CLCN3: variants seen among roughly 807,000 people sequenced by gnomAD.
CLCN3 encodes Cl-/H+ antiporter 3.
In CLCN3, 16 loss-of-function variants were observed where a neutral mutation model predicts 83.4. The observed-to-expected ratio is 0.19, with a 90% CI of 0.13 to 0.29. The LOEUF (loss-of-function observed/expected upper bound fraction) is 0.29. CLCN3 is among the 10% of genes least tolerant of loss of function. The pLI, the probability that CLCN3 is intolerant of heterozygous loss-of-function variation, is 1.00. For synonymous variants in CLCN3, 322 were observed against 346.2 expected (o/e 0.93, Z 0.78); for missense variants, 544 against 1,006.0 (o/e 0.54, Z 6.21).
chr4:169,629,572 T>C (rs971762580), intron 1 of CLCN3, among the ~76,000 whole-genome samples: 1 of 152,158 alleles, frequency 6.6e-6, no homozygotes, highest in Non-Finnish European at 1.5e-5. Context: ...GGTTTCACCA[T>C]GTTGGCCATG....
rs139039568 is a variant in CLCN3, at chr4:169,698,239, C to A, written c.1563+505C>A. Among the ~76,000 whole-genome samples, 86 of 152,272 alleles carry A rather than the reference C, an allele frequency of 5.6e-4. 4 individuals are homozygous for A. In the East Asian group the frequency reaches 0.012, roughly 21 times the overall value. On this transcript the variant is annotated intron_variant, in intron 9 of 12. Transcript: ENST00000513761. Reference sequence around the variant, plus strand: ...AAGCATTTATCCCTTGTGTTACAAACAATCCAATTACACTCTTAATTATTT... The same window carrying A: ...AAGCATTTATCCCTTGTGTTACAAAAAATCCAATTACACTCTTAATTATTT...
chr4:169,641,580 A>C lies in CLCN3; in HGVS notation c.160+5492A>C, dbSNP rs145564913. On this transcript the variant is annotated intron_variant, in intron 2 of 12. Transcript: ENST00000513761. ...AATATCTATTGTTAGATTGAGCTTT[A>C]TTCAAAATATTTGTAAGTTTATTCA... 2.9e-3 allele frequency among the ~76,000 whole-genome samples: 447 copies of C among 152,320 alleles called. 2 individuals carry two copies. The highest frequency in any genetic ancestry group is 0.01 in the African/African-American group (420 of 41,590).
chr4:169,627,867 G>A (rs1323183493), intron 1 of CLCN3, among the ~76,000 whole-genome samples: 2 of 152,046 alleles, frequency 1.3e-5, no homozygotes, highest in African/African-American at 4.8e-5. Context: ...AGAAGAATAA[G>A]GTGTGAAAGA....
intron 12 of CLCN3, among the ~76,000 whole-genome samples, chr4:169,715,254 G>T (rs1016399707): frequency 6.6e-6 from 1 of 152,052 alleles, no homozygotes; most frequent in African/African-American, 2.4e-5. Flanking sequence ...TAAAAATAAC[G>T]AAGTGTATAG....
At chr4:169,631,298 G>A (rs556786186) in intron 1 of CLCN3, among the ~76,000 whole-genome samples, 1 of 152,014 alleles carries the variant, frequency 6.6e-6, no homozygotes, top group Non-Finnish European at 1.5e-5. Flanking sequence ...TTGTTTGTTT[G>A]TTGGAGACGG....
intron 2 of CLCN3, among the ~76,000 whole-genome samples, chr4:169,658,449 G>A (rs998649321): frequency 6.6e-6 from 1 of 151,970 alleles, no homozygotes; most frequent in South Asian, 2.1e-4. Flanking sequence ...GGGAAAACTT[G>A]TGGATAGATT....
At chr4:169,660,229 C>T (rs1731005414) in intron 2 of CLCN3, 1 of 1,210,448 alleles carries the variant, frequency 8.3e-7, no homozygotes, top group Non-Finnish European at 1.0e-6. Context: ...GTTGCTTCAG[C>T]GAGTCGAACT....
At chr4:169,706,296 A>C (rs550116561) in intron 10 of CLCN3, among the ~76,000 whole-genome samples, 1 of 152,218 alleles carries the variant, frequency 6.6e-6, no homozygotes, top group South Asian at 2.1e-4. Flanking sequence ...TGGCCTCCCA[A>C]AGTGATTACA....
At chr4:169,660,541 T>C (rs1731019544) in intron 2 of CLCN3, 1 of 832,198 alleles carries the variant, frequency 1.2e-6, no homozygotes. Context: ...GTTTGTCCTT[T>C]AAATACTGCA....
At chr4:169,681,810 G>A (rs1365966217) in intron 3 of CLCN3, among the ~76,000 whole-genome samples, 2 of 152,164 alleles carry the variant, frequency 1.3e-5, no homozygotes, top group African/African-American at 4.8e-5. Flanking sequence ...GTGAGAGAAT[G>A]ACATTGTGCT....
Position 169,636,083 on chromosome 4 carries a change from C to T in CLCN3, c.155C>T (p.Ala52Val). 6.2e-7 allele frequency: 1 copy of T among 1,610,942 alleles called. No homozygotes were observed. The highest frequency in any genetic ancestry group is 8.5e-7 in the Non-Finnish European group (1 of 1,178,434). Reference sequence around the variant, plus strand: ...GACAATTTATTAGATGGTGACACTGCAGTTGGTAAGTTCAGCATGACAGCC... The same window carrying T: ...GACAATTTATTAGATGGTGACACTGTAGTTGGTAAGTTCAGCATGACAGCC... ...EDDNLLDGDT[A>V]VGTHYTMTNG... The change falls in exon 2 of 13, where the codon GCA becomes GTA. Residue 52 changes from alanine to valine, a missense_variant. This residue lies in a region of CLCN3 where 77 missense variants were observed against 92.8 expected (regional missense o/e 0.83). Transcript: ENST00000513761.
intron 2 of CLCN3, among the ~76,000 whole-genome samples, chr4:169,649,500 T>G (rs114047000): frequency 1.3e-5 from 2 of 152,252 alleles, no homozygotes; most frequent in African/African-American, 4.8e-5. Context: ...CTATAGGTAG[T>G]GATAGAGAGT....
At chr4:169,691,341 C>T (rs569317480) in intron 6 of CLCN3, among the ~76,000 whole-genome samples, 1 of 152,188 alleles carries the variant, frequency 6.6e-6, no homozygotes, top group South Asian at 2.1e-4. Context: ...GATTCATTCA[C>T]TTTTTATAAT....
intron 2 of CLCN3, among the ~76,000 whole-genome samples, chr4:169,659,258 C>T (rs1730973509): frequency 6.6e-6 from 1 of 152,154 alleles, no homozygotes; most frequent in South Asian, 2.1e-4. Context: ...GAACTCTGAT[C>T]TTCAATAAGC....
chr4:169,692,377 TAAGTA>T (rs1471220875), intron 7 of CLCN3, 57 bp downstream of exon 7: 15 of 760,872 alleles, frequency 2.0e-5, no homozygotes. Flanking sequence ...AGTATTTATT[TAAGTA>T]AAGAATTTCT....
At chr4:169,635,808 A>T in intron 1 of CLCN3, 105 bp from the exon 2 acceptor site, 1 of 856,140 alleles carries the variant, frequency 1.2e-6, no homozygotes, top group Non-Finnish European at 1.7e-6. Flanking sequence ...GAATACGCTT[A>T]ATTTTTTTTA....
At chr4:169,667,033 AT>A (rs1039363830) in intron 2 of CLCN3, among the ~76,000 whole-genome samples, 10 of 151,936 alleles carry the variant, frequency 6.6e-5, no homozygotes, top group East Asian at 1.9e-4. Context: ...CAGTTTATCT[AT>A]TTTTTTTATT....
intron 9 of CLCN3, among the ~76,000 whole-genome samples, chr4:169,702,616 C>CA (rs536083740): frequency 6.7e-4 from 102 of 151,522 alleles, no homozygotes; most frequent in African/African-American, 2.4e-3. Flanking sequence ...TGATTACTCT[C>CA]AAAAAAAAGT....
At chr4:169,665,546 T>C (rs989175887) in intron 2 of CLCN3, among the ~76,000 whole-genome samples, 3 of 152,126 alleles carry the variant, frequency 2.0e-5, no homozygotes, top group Admixed American at 2.0e-4. Context: ...CTTAGAACGT[T>C]TACTTTCCCA....
Sources: gnomAD v4.1 joint callset for allele counts (sites outside exome capture counted in the v4.1 genomes callset) on GRCh38, gnomAD v4.1.1 for gene constraint, gnomAD v4.1.1 regional missense constraint, MANE v1.5 for transcripts, NCBI Gene and HGNC (gene_info 2026-07-23, HGNC 2026-07-21) for gene names.